FIGN: variants seen among roughly 807,000 people sequenced by gnomAD.
FIGN encodes fidgetin, microtubule severing factor, also known as fidgetin.
A neutral mutation model predicts 51.3 loss-of-function variants in FIGN; 11 were observed. That is an observed-to-expected ratio of 0.21 (90% CI 0.13 to 0.35). The LOEUF is 0.35. FIGN is among the 10% of genes least tolerant of loss of function. FIGN has a pLI of 1.00. For missense variants in FIGN, 857 were observed against 943.6 expected (o/e 0.91, Z 1.20); for synonymous variants, 407 against 363.2 (o/e 1.12, Z -1.37).
In FIGN at chr2:163,734,490, C is replaced by T. The variant is rs1319538064; in HGVS notation, c.25+413G>A. On this transcript the variant is annotated intron_variant, in intron 2 of 2. Coordinates refer to ENST00000333129, the MANE Select transcript of FIGN (RefSeq NM_018086.4). ...CTGTGTGTGTACATATATATAGATA[C>T]ACTTTCATTAGTTAGTAATCTTTCC... Among the ~76,000 whole-genome samples the T allele has an allele frequency of 4.3e-5, 6 of 138,852 alleles. No individual in the cohort carries two copies. In the Admixed American group the frequency reaches 4.7e-4, roughly 11 times the overall value. The allele number at this position is 138,852 out of a possible 152,430, so 91.1% of individuals were successfully genotyped here.
At chr2:163,653,128 G>C (rs1683504325) in intron 2 of FIGN, among the ~76,000 whole-genome samples, 2 of 152,090 alleles carry the variant, frequency 1.3e-5, no homozygotes, top group Admixed American at 1.3e-4. Flanking sequence ...CTGTAAAGCA[G>C]TACCTACCTC....
intron 2 of FIGN, chr2:163,617,105 T>C (rs1006084665): frequency 8.1e-6 from 8 of 985,110 alleles, no homozygotes; most frequent in African/African-American, 3.5e-5. Context: ...CTAGTATTAC[T>C]AGTACTAACT....
At position 163,667,331 on chromosome 2, in the gene FIGN, A is replaced by G. The variant is rs546946281; in HGVS notation, c.26-55525T>C. ...TTCTTCTGAATCCCTTTTCCATACT[A>G]TCCCCACAAAAAAAAAAAAAAAACT... On this transcript the variant is annotated intron_variant, in intron 2 of 2. Transcript: ENST00000333129. Among the ~76,000 whole-genome samples the G allele has an allele frequency of 6.6e-5, 8 of 121,602 alleles. No homozygotes were observed. The East Asian group carries it at 9.4e-4, about 14-fold the overall frequency. The allele number at this position is 121,602 out of a possible 152,430, so 79.8% of individuals were successfully genotyped here.
rs756267289 is a variant in FIGN, at chr2:163,603,101, T to C, written c.*6451A>G. The C allele has an allele frequency of 1.3e-5, 2 of 152,080 alleles. No homozygotes were observed. The highest frequency in any genetic ancestry group is 2.4e-5 in the African/African-American group (1 of 41,434). The allele number at this position is 152,080 out of a possible 1,614,324, so 9.4% of individuals were successfully genotyped here. A position where few individuals can be genotyped will look rare whatever the true frequency, so the allele number is the denominator to read the frequency against. Reference sequence around the variant, plus strand: ...ATGTTCACAAATTATATGAATTCATTTTGCAAGTGATGGATAATTTAAGCT... The same window carrying C: ...ATGTTCACAAATTATATGAATTCATCTTGCAAGTGATGGATAATTTAAGCT... On this transcript the variant is annotated 3_prime_UTR_variant, in exon 3 of 3. Coordinates refer to ENST00000333129, the MANE Select transcript of FIGN (RefSeq NM_018086.4).
intron 2 of FIGN, among the ~76,000 whole-genome samples, chr2:163,643,063 G>A (rs1683327940): frequency 6.6e-6 from 1 of 151,910 alleles, no homozygotes; most frequent in South Asian, 2.1e-4. Flanking sequence ...AATTGCCAGG[G>A]CCCAAAATAG....
intron 2 of FIGN, among the ~76,000 whole-genome samples, chr2:163,624,391 C>A (rs1683022402): frequency 6.6e-6 from 1 of 150,924 alleles, no homozygotes; most frequent in South Asian, 2.1e-4. Context: ...TAAGTCTCTA[C>A]CCATTTATAG....
chr2:163,729,869 T>C (rs1182129837), intron 2 of FIGN, among the ~76,000 whole-genome samples: 1 of 152,222 alleles, frequency 6.6e-6, no homozygotes, highest in Non-Finnish European at 1.5e-5. Flanking sequence ...GCCCACCATA[T>C]GCAATGTTAA....
At chr2:163,716,122 T>A (rs1239317041) in intron 2 of FIGN, among the ~76,000 whole-genome samples, 1 of 152,238 alleles carries the variant, frequency 6.6e-6, no homozygotes, top group Non-Finnish European at 1.5e-5. Context: ...GAATCAGTAA[T>A]TTTCATGTTT....
chr2:163,681,552 G>A (rs988808319), intron 2 of FIGN, among the ~76,000 whole-genome samples: 16 of 150,860 alleles, frequency 1.1e-4, no homozygotes, highest in African/African-American at 3.4e-4. Context: ...CTCTTAAAAA[G>A]ATAAAAGTGA....
chr2:163,696,449 C>G (rs1469021207), intron 2 of FIGN, among the ~76,000 whole-genome samples: 1 of 152,166 alleles, frequency 6.6e-6, no homozygotes, highest in South Asian at 2.1e-4. Context: ...TAAGGCCCAA[C>G]TTTAATGTCA....
At chr2:163,733,445 A>G (rs963968495) in intron 2 of FIGN, among the ~76,000 whole-genome samples, 1 of 152,146 alleles carries the variant, frequency 6.6e-6, no homozygotes, top group African/African-American at 2.4e-5. Flanking sequence ...TATAAATGTA[A>G]TATCCTCCTC....
At chr2:163,697,517 C>T (rs1684341867) in intron 2 of FIGN, among the ~76,000 whole-genome samples, 1 of 152,118 alleles carries the variant, frequency 6.6e-6, no homozygotes, top group Non-Finnish European at 1.5e-5. Context: ...GGAAGGTGTG[C>T]TGCCTCCTTC....
At chr2:163,647,870 C>T (rs1161775092) in intron 2 of FIGN, among the ~76,000 whole-genome samples, 3 of 151,760 alleles carry the variant, frequency 2.0e-5, no homozygotes, top group Admixed American at 6.6e-5. Context: ...AGAAGCAAAG[C>T]GAAAGAGATA....
intron 2 of FIGN, among the ~76,000 whole-genome samples, chr2:163,669,101 T>A (rs981140173): frequency 1.3e-5 from 2 of 151,248 alleles, no homozygotes; most frequent in Admixed American, 6.6e-5. Flanking sequence ...ATTTGATAAC[T>A]CCTTTTACTC....
At chr2:163,630,113 T>C (rs1683122736) in intron 2 of FIGN, among the ~76,000 whole-genome samples, 1 of 151,442 alleles carries the variant, frequency 6.6e-6, no homozygotes, top group African/African-American at 2.4e-5. Flanking sequence ...GACAGGCACA[T>C]GCTACCCATG....
chr2:163,727,079 A>G (rs948829015), intron 2 of FIGN, among the ~76,000 whole-genome samples: 1 of 152,102 alleles, frequency 6.6e-6, no homozygotes, highest in African/African-American at 2.4e-5. Context: ...TAAAAGAAAG[A>G]GTTTACAATC....
chr2:163,659,792 C>A (rs1007557382), intron 2 of FIGN, among the ~76,000 whole-genome samples: 12 of 152,098 alleles, frequency 7.9e-5, no homozygotes, highest in African/African-American at 2.2e-4. Flanking sequence ...AGATTGTCAC[C>A]AAAACATGTG....
chr2:163,706,626 A>G (rs781116675), intron 2 of FIGN, among the ~76,000 whole-genome samples: 16 of 151,924 alleles, frequency 1.1e-4, no homozygotes, highest in Admixed American at 6.6e-5. Flanking sequence ...ATTAAAATAC[A>G]CAATTCATAT....
chr2:163,702,545 A>G (rs1463241432), intron 2 of FIGN, among the ~76,000 whole-genome samples: 3 of 152,118 alleles, frequency 2.0e-5, no homozygotes, highest in Admixed American at 2.0e-4. Flanking sequence ...CATTTCTCAA[A>G]GAAAGTTATG....
Sources: gnomAD v4.1 joint callset for allele counts (sites outside exome capture counted in the v4.1 genomes callset) on GRCh38, gnomAD v4.1.1 for gene constraint, MANE v1.5 for transcripts, NCBI Gene and HGNC (gene_info 2026-07-23, HGNC 2026-07-21) for gene names.